The following TOGARAM2 variants were observed in gnomAD, a reference collection of about 807,000 sequenced individuals.
TOGARAM2 encodes the protein TOG array regulator of axonemal microtubules 2, also known as TOG array regulator of axonemal microtubules protein 2.
Under a neutral mutation model 93.3 loss-of-function variants are expected in TOGARAM2, and 85 were observed. That is an observed-to-expected ratio of 0.91 (90% CI 0.76 to 1.09). The LOEUF is 1.09. Among genes scored for constraint, TOGARAM2 ranks in the 50% least tolerant of loss-of-function variants. The pLI, the probability that TOGARAM2 is intolerant of heterozygous loss-of-function variation, is 0.00. For synonymous variants in TOGARAM2, 593 were observed against 552.8 expected (o/e 1.07, Z -1.02); for missense variants, 1,277 against 1,334.5 (o/e 0.96, Z 0.67).
At position 28,983,828 on chromosome 2, in the gene TOGARAM2, C is replaced by T. The variant is rs1263271761; in HGVS notation, c.-111+2290C>T. Among the ~76,000 whole-genome samples, 6 of 152,246 alleles carry T rather than the reference C, an allele frequency of 3.9e-5. No individual in the cohort carries two copies. The East Asian group carries it at 5.8e-4, about 15-fold the overall frequency. ...TGCTCTCACTAGCACTTGGCATTGC[C>T]GCCCATCTCAATTTTTGCCCATCTT... On this transcript the variant is annotated intron_variant, in intron 1 of 19. Transcript: ENST00000379558.
In TOGARAM2 at chr2:29,045,413, G is replaced by C. The variant is rs1158059806; in HGVS notation, c.2722+3G>C. The C allele has an allele frequency of 6.8e-6, 11 of 1,612,630 alleles. No homozygotes were observed. In the East Asian group the frequency reaches 2.5e-4, roughly 36 times the overall value. On this transcript the variant is annotated splice_donor_region_variant and intron_variant, in intron 19 of 19. Coordinates refer to ENST00000379558, the MANE Select transcript of TOGARAM2 (RefSeq NM_199280.4). ...GGATGTCACAGATCGCCTGGCAGGTGAGCACCCCCAGCCCCACCCCACCCC... is the reference window on the plus strand; with the variant it reads ...GGATGTCACAGATCGCCTGGCAGGTCAGCACCCCCAGCCCCACCCCACCCC...
In TOGARAM2 at chr2:28,965,030, G is replaced by T. The variant is rs555639308; in HGVS notation, c.-147+8333G>T. On this transcript the variant is annotated intron_variant, in intron 1 of 6. Coordinates refer to the TOGARAM2 transcript ENST00000401723. ...AGTAATGGGATTGCTGGGTCCAATGGTATTTCCGGTTCTAGATCTTTGAGG... is the reference window on the plus strand; with the variant it reads ...AGTAATGGGATTGCTGGGTCCAATGTTATTTCCGGTTCTAGATCTTTGAGG... Among the ~76,000 whole-genome samples the T allele has an allele frequency of 5.9e-5, 9 of 152,204 alleles. No homozygotes were observed. In the South Asian group the frequency reaches 1.9e-3, roughly 32 times the overall value.
In TOGARAM2 at chr2:28,964,674, G is replaced by A. The variant is rs191398933; in HGVS notation, c.-147+7977G>A. Among the ~76,000 whole-genome samples, 228 of 135,408 alleles carry A rather than the reference G, an allele frequency of 1.7e-3. 1 individual carries two copies. Among genetic ancestry groups the A allele is most frequent in the Non-Finnish European group, 2.9e-3 (189 of 64,382 alleles). 88.8% of individuals were successfully genotyped at this position (135,408 alleles called of 152,430 possible). On this transcript the variant is annotated intron_variant, in intron 1 of 6. Transcript: ENST00000401723. ...CCCCAGCAGGCCCCTTCCATGTGTT[G>A]TTCCCTTCCCTGTGTCCATGTGTTC...
intron 10 of TOGARAM2, among the ~76,000 whole-genome samples, chr2:29,020,244 G>A (rs967436032): frequency 6.6e-6 from 1 of 152,188 alleles, no homozygotes; most frequent in Non-Finnish European, 1.5e-5. Context: ...AACTGATGTG[G>A]GTTACAGATT....
intron 1 of TOGARAM2, among the ~76,000 whole-genome samples, chr2:28,957,009 C>T (rs1167603943): frequency 6.6e-6 from 1 of 151,876 alleles, no homozygotes; most frequent in Non-Finnish European, 1.5e-5. Flanking sequence ...TCTGTAATCC[C>T]AGGAGAATTG....
At chr2:29,035,344 C>G (rs1666024041) in intron 16 of TOGARAM2, 120 bp from the exon 17 acceptor site, 1 of 919,570 alleles carries the variant, frequency 1.1e-6, no homozygotes, top group Non-Finnish European at 1.4e-6. Context: ...GGTGGACTAA[C>G]CTGCAGGTGA....
chr2:28,962,016 T>C (rs1008396480), intron 1 of TOGARAM2, among the ~76,000 whole-genome samples: 27 of 152,198 alleles, frequency 1.8e-4, no homozygotes, highest in Non-Finnish European at 3.7e-4. Flanking sequence ...GCTTGTTTAA[T>C]ATGACTATAG....
chr2:28,986,587 T>C (rs1672480183), intron 1 of TOGARAM2, among the ~76,000 whole-genome samples: 1 of 152,158 alleles, frequency 6.6e-6, no homozygotes, highest in Non-Finnish European at 1.5e-5. Context: ...CTGTTGTAAG[T>C]GTCCCGCCCC....
chr2:29,043,728 G>C (rs929371316), intron 18 of TOGARAM2, among the ~76,000 whole-genome samples: 4 of 152,234 alleles, frequency 2.6e-5, no homozygotes, highest in Admixed American at 6.5e-5. Context: ...TTGGCATGCT[G>C]GTTTCTCTGC....
chr2:28,963,462 A>G (rs772635294), intron 1 of TOGARAM2, among the ~76,000 whole-genome samples: 3 of 152,052 alleles, frequency 2.0e-5, no homozygotes, highest in Non-Finnish European at 4.4e-5. Context: ...GCAGCCTCCA[A>G]CTTCTAGTCT....
intron 1 of TOGARAM2, among the ~76,000 whole-genome samples, chr2:28,973,842 T>A (rs1671988903): frequency 6.6e-6 from 1 of 152,154 alleles, no homozygotes; most frequent in South Asian, 2.1e-4. Flanking sequence ...CCTTAGCCAT[T>A]CTTTGCGGGT....
intron 18 of TOGARAM2, among the ~76,000 whole-genome samples, chr2:29,041,107 C>T (rs1666410761): frequency 6.6e-6 from 1 of 150,896 alleles, no homozygotes; most frequent in East Asian, 2.0e-4. Flanking sequence ...GCACTGCAAC[C>T]TCCGCCTCCT....
chr2:28,976,350 G>A (rs1323786682), upstream of TOGARAM2, among the ~76,000 whole-genome samples: 12 of 152,286 alleles, frequency 7.9e-5, no homozygotes, highest in Non-Finnish European at 1.8e-4. Context: ...CAGCCTGGGC[G>A]ACAGAGTGAG....
At chr2:28,990,972 A>AGTGTGTGTGTGTGTGAAGGGT (rs1558406285) in intron 1 of TOGARAM2, among the ~76,000 whole-genome samples, 33 of 131,894 alleles carry the variant, frequency 2.5e-4, no homozygotes, top group African/African-American at 9.2e-4. Context: ...TGGACATGCG[A>AGTGTGTGTGTGTGTGAAGGGT]GTGTGTGTGT....
Position 29,011,444 on chromosome 2 carries a change from G to C in TOGARAM2, c.831-11G>C. ...CCCTCATGATGCTTTTCTCTCCCCC[G>C]TTCTTTTAAGATTGGCTCGGGGGAG... On this transcript the variant is annotated splice_polypyrimidine_tract_variant and intron_variant, in intron 6 of 19. Transcript: ENST00000379558. 2 of 1,610,366 alleles carry C rather than the reference G, an allele frequency of 1.2e-6. No homozygotes were observed. Among genetic ancestry groups the C allele is most frequent in the East Asian group, 4.5e-5 (2 of 44,448 alleles).
At position 29,035,519 on chromosome 2, in the gene TOGARAM2, G is replaced by A. The variant is rs115740613; in HGVS notation, c.2281G>A (p.Gly761Arg). The change falls in exon 17 of 20, where the codon GGG becomes AGG. Residue 761 changes from glycine to arginine, a missense_variant. Coordinates refer to ENST00000379558, the MANE Select transcript of TOGARAM2 (RefSeq NM_199280.4). ...GCTGCGCTCCACACTGCAGGGCCGC[G>A]GGGAGATGGTGGAGCAGCTACGGGA... ...VGLRSTLQGRGEMVEQLRELT... is the reference protein window; with the variant it reads ...VGLRSTLQGRREMVEQLRELT... 9.6e-4 allele frequency: 1,491 copies of A among 1,559,964 alleles called. 17 individuals carry two copies. In the African/African-American group the frequency reaches 0.017, roughly 18 times the overall value.
intron 1 of TOGARAM2, among the ~76,000 whole-genome samples, chr2:28,986,265 C>T (rs1369984894): frequency 6.6e-6 from 1 of 152,126 alleles, no homozygotes; most frequent in East Asian, 1.9e-4. Context: ...CTTTCTCTCC[C>T]CCTAGGCTTT....
chr2:29,026,807 A>T, intron 13 of TOGARAM2, 46 bp from the exon 14 acceptor site: 2 of 1,485,242 alleles, frequency 1.3e-6, no homozygotes, highest in Non-Finnish European at 1.8e-6. Flanking sequence ...GGGGACTCCC[A>T]CACCACTATC....
intron 5 of TOGARAM2, 140 bp downstream of exon 5, chr2:29,002,887 A>G: frequency 1.3e-6 from 1 of 773,886 alleles, no homozygotes; most frequent in Non-Finnish European, 2.1e-6. Context: ...CAGTGAGGAT[A>G]GGGACAGCAC....
Sources: allele counts gnomAD v4.1 joint callset (sites outside exome capture counted in the v4.1 genomes callset), GRCh38; gene constraint gnomAD v4.1.1; transcripts MANE v1.5; gene names NCBI Gene and HGNC (gene_info 2026-07-23, HGNC 2026-07-21).